BRINP1: variants seen among roughly 807,000 people sequenced by gnomAD.
The protein encoded by BRINP1 is BMP/retinoic acid-inducible neural-specific protein 1.
In BRINP1, 17 loss-of-function variants were observed where a neutral mutation model predicts 72.9. That is an observed-to-expected ratio of 0.23 (90% CI 0.16 to 0.35). BRINP1 has a LOEUF of 0.35. Among genes scored for constraint, BRINP1 ranks in the 10% least tolerant of loss-of-function variants. The pLI is 1.00. For synonymous variants in BRINP1, 418 were observed against 378.5 expected (o/e 1.10, Z -1.21); for missense variants, 850 against 1,001.6 (o/e 0.85, Z 2.04).
chr9:119,297,729 C>A (rs565035349), intron 2 of BRINP1, among the ~76,000 whole-genome samples: 2 of 152,268 alleles, frequency 1.3e-5, no homozygotes, highest in South Asian at 2.1e-4. Context: ...GTTCAACTGG[C>A]AGCATCAGGG....
Position 119,169,672 on chromosome 9 carries a change from G to C in BRINP1, c.1146-1448C>G, listed in dbSNP as rs369033815. Among the ~76,000 whole-genome samples, 37 of 152,350 alleles carry C rather than the reference G, an allele frequency of 2.4e-4. No homozygotes were observed. The East Asian group carries it at 4.3e-3, about 18-fold the overall frequency. On this transcript the variant is annotated intron_variant, in intron 7 of 7. Coordinates refer to ENST00000265922, the MANE Select transcript of BRINP1 (RefSeq NM_014618.3). The stretch of plus-strand genomic sequence containing the variant: ...CCTGCCTCTGTAGGCTCCACCTCTG[G>C]GGGCAGGGCACAGACAAACAAAAAG...
chr9:119,172,753 T>C (rs1435566824), intron 7 of BRINP1, among the ~76,000 whole-genome samples: 7 of 152,106 alleles, frequency 4.6e-5, no homozygotes, highest in African/African-American at 4.8e-5. Flanking sequence ...GCAAACTGAA[T>C]CCAGCAACAC....
intron 5 of BRINP1, among the ~76,000 whole-genome samples, chr9:119,230,429 G>A (rs1464478432): frequency 1.3e-5 from 2 of 152,020 alleles, no homozygotes; most frequent in African/African-American, 4.8e-5. Context: ...GAACAAGAAG[G>A]CTGCTTTGAC....
Position 119,167,251 on chromosome 9 carries a change from C to A in BRINP1, c.2119G>T (p.Ala707Ser). The change falls in exon 8 of 8, where the codon GCC (alanine) becomes TCC (serine). Residue 707 changes from alanine to serine, a missense_variant. Transcript: ENST00000265922. This position sits in a 1 kb window ranked among gnomAD's most constrained non-coding sequence, Gnocchi z 4.3. ...GGTTTCCCCGGGGCCACAGGAGGGG[C>A]CAGGCGATTAATTCGGTCCCGAATA... ...LDIRDRINRLAPPVAPGKPQL... is the reference protein window; with the variant it reads ...LDIRDRINRLSPPVAPGKPQL... 2 of 1,614,148 alleles carry A rather than the reference C, an allele frequency of 1.2e-6. No individual in the cohort carries two copies. Among genetic ancestry groups the A allele is most frequent in the Non-Finnish European group, 1.7e-6 (2 of 1,180,032 alleles).
At chr9:119,206,894 C>A (rs1829863066) in intron 7 of BRINP1, among the ~76,000 whole-genome samples, 1 of 152,168 alleles carries the variant, frequency 6.6e-6, no homozygotes, top group African/African-American at 2.4e-5. Flanking sequence ...AGTTTGTGAC[C>A]TTTTCTAGTC....
At chr9:119,226,943 C>T (rs1220113662) in intron 5 of BRINP1, among the ~76,000 whole-genome samples, 1 of 151,900 alleles carries the variant, frequency 6.6e-6, no homozygotes, top group Admixed American at 6.6e-5. Flanking sequence ...GATCTGGGTT[C>T]AAATTCCTGC....
chr9:119,361,018 C>A (rs576479796), intron 1 of BRINP1, among the ~76,000 whole-genome samples: 1 of 152,274 alleles, frequency 6.6e-6, no homozygotes, highest in East Asian at 1.9e-4. Context: ...AACTCCGCAC[C>A]CTGTGAGAAA....
chr9:119,263,011 C>A (rs1050168424), intron 2 of BRINP1, among the ~76,000 whole-genome samples: 5 of 152,112 alleles, frequency 3.3e-5, no homozygotes, highest in Non-Finnish European at 7.4e-5. Context: ...AAATATTTTG[C>A]AAAATAAGTA....
At chr9:119,222,223 A>G (rs1405551795) in intron 5 of BRINP1, among the ~76,000 whole-genome samples, 1 of 152,148 alleles carries the variant, frequency 6.6e-6, no homozygotes, top group Non-Finnish European at 1.5e-5. Flanking sequence ...TAAGGAAGAA[A>G]TAAGCATTCA....
At chr9:119,350,572 T>C (rs1233887431) in intron 1 of BRINP1, among the ~76,000 whole-genome samples, 2 of 152,024 alleles carry the variant, frequency 1.3e-5, no homozygotes, top group East Asian at 1.9e-4. Flanking sequence ...TGCACATTCA[T>C]ATAATATAAA....
chr9:119,197,412 C>T (rs1163654821), intron 7 of BRINP1, among the ~76,000 whole-genome samples: 1 of 152,198 alleles, frequency 6.6e-6, no homozygotes, highest in East Asian at 1.9e-4. Context: ...ATAAGGATTA[C>T]ACACATTAAT....
intron 7 of BRINP1, among the ~76,000 whole-genome samples, chr9:119,194,871 T>C (rs1394913520): frequency 6.6e-6 from 1 of 152,072 alleles, no homozygotes; most frequent in Admixed American, 6.6e-5. Flanking sequence ...ATACCTAAAC[T>C]CCTGACCCCT....
At chr9:119,195,975 G>A (rs1253701533) in intron 7 of BRINP1, among the ~76,000 whole-genome samples, 1 of 152,148 alleles carries the variant, frequency 6.6e-6, no homozygotes, top group Admixed American at 6.5e-5. Flanking sequence ...TGAAACATAT[G>A]AAAACTTGAC....
chr9:119,365,982 C>T (rs183560570), intron 1 of BRINP1, among the ~76,000 whole-genome samples: 8 of 152,128 alleles, frequency 5.3e-5, no homozygotes, highest in African/African-American at 1.2e-4. Context: ...TCTAAGAGCA[C>T]GCTTTTGAGT....
At chr9:119,177,689 T>C (rs1040464481) in intron 7 of BRINP1, among the ~76,000 whole-genome samples, 7 of 152,054 alleles carry the variant, frequency 4.6e-5, no homozygotes, top group African/African-American at 1.4e-4. Flanking sequence ...GGCTGAACTC[T>C]CAGAATCCTC....
At position 119,171,513 on chromosome 9, in the gene BRINP1, A is replaced by T. The variant is rs1018633603; in HGVS notation, c.1146-3289T>A. 2.0e-5 allele frequency among the ~76,000 whole-genome samples: 3 copies of T among 151,048 alleles called. No individual in the cohort carries two copies. In the South Asian group the frequency reaches 6.4e-4, roughly 32 times the overall value. On this transcript the variant is annotated intron_variant, in intron 7 of 7. Transcript: ENST00000265922. ...CCGAGTGACTTACAAAGAGACTTAG[A>T]CTCCCACCCATTAATAATGGGAGAC...
At chr9:119,257,985 A>G (rs1220933050) in intron 2 of BRINP1, among the ~76,000 whole-genome samples, 1 of 152,186 alleles carries the variant, frequency 6.6e-6, no homozygotes, top group East Asian at 1.9e-4. Flanking sequence ...GAGGAAAAGT[A>G]GAAAAAAAGA....
intron 3 of BRINP1, among the ~76,000 whole-genome samples, chr9:119,246,346 G>T (rs373729901): frequency 6.6e-6 from 1 of 152,198 alleles, no homozygotes; most frequent in Non-Finnish European, 1.5e-5. Flanking sequence ...AGCTGCCACC[G>T]TGGCTAGAAC....
chr9:119,319,963 C>T (rs1042517586), intron 1 of BRINP1, among the ~76,000 whole-genome samples: 4 of 152,144 alleles, frequency 2.6e-5, no homozygotes, highest in African/African-American at 9.7e-5. Context: ...AAATATGCTG[C>T]CATAAATACT....
Sources: gnomAD v4.1 joint callset for allele counts (sites outside exome capture counted in the v4.1 genomes callset) on GRCh38, gnomAD v4.1.1 for gene constraint, Gnocchi (gnomAD v3.1) non-coding constraint, MANE v1.5 for transcripts, NCBI Gene and HGNC (gene_info 2026-07-23, HGNC 2026-07-21) for gene names.